Variants in CRPPA observed in about 807,000 individuals in gnomAD.
CRPPA encodes D-ribitol-5-phosphate cytidylyltransferase.
A neutral mutation model predicts 52.0 loss-of-function variants in CRPPA; 43 were observed. The observed-to-expected ratio is 0.83, with a 90% CI of 0.65 to 1.07. CRPPA has a LOEUF of 1.07. CRPPA is among the 50% of genes least tolerant of loss of function. CRPPA has a pLI of 0.00. For synonymous variants in CRPPA, 250 were observed against 203.5 expected, an observed-to-expected ratio of 1.23 and a Z score of -1.94; for missense variants, 629 against 551.7, an observed-to-expected ratio of 1.14 and a Z score of -1.40.
intron 3 of CRPPA, among the ~76,000 whole-genome samples, chr7:16,340,734 A>AGTTTAT (rs1276362276): frequency 6.6e-6 from 1 of 152,098 alleles, no homozygotes; most frequent in Non-Finnish European, 1.5e-5. Context: ...TTACAATATG[A>AGTTTAT]TCCAGCAATC....
intron 3 of CRPPA, among the ~76,000 whole-genome samples, chr7:16,368,136 T>C (rs1380205069): frequency 1.3e-5 from 2 of 152,188 alleles, no homozygotes; most frequent in Non-Finnish European, 2.9e-5. Flanking sequence ...TTAAAAAGCT[T>C]CTTTGTATAA....
chr7:16,286,064 T>TAAAATATAAAAAA (rs1562608511), intron 5 of CRPPA, among the ~76,000 whole-genome samples: 1 of 29,770 alleles, frequency 3.4e-5, no homozygotes. Context: ...TATATATATA[T>TAAAATATAAAAAA]ATATATATAT....
chr7:16,090,420 T>C lies in CRPPA; in HGVS notation c.*1275A>G, dbSNP rs1781810747. The C allele has an allele frequency of 6.6e-6, 1 of 151,902 alleles. No homozygotes were observed. The highest frequency in any genetic ancestry group is 1.5e-5 in the Non-Finnish European group (1 of 67,944). 9.4% of individuals were successfully genotyped at this position (151,902 alleles called of 1,614,324 possible). A position where few individuals can be genotyped will look rare whatever the true frequency, so the allele number is the denominator to read the frequency against. ...TCTGTTTCAATAAAATAAATGTATGTTGGCTGGGTATGGTGGCTCACACCT... is the reference window on the plus strand; with the variant it reads ...TCTGTTTCAATAAAATAAATGTATGCTGGCTGGGTATGGTGGCTCACACCT... On this transcript the variant is annotated 3_prime_UTR_variant, in exon 10 of 10. Transcript: ENST00000407010.
At chr7:16,168,182 G>A (rs1039208148) in intron 9 of CRPPA, among the ~76,000 whole-genome samples, 3 of 152,110 alleles carry the variant, frequency 2.0e-5, no homozygotes, top group Non-Finnish European at 2.9e-5. Flanking sequence ...ATACAAACAT[G>A]GGTCAATATT....
At chr7:16,174,475 C>T (rs367906340) in intron 9 of CRPPA, among the ~76,000 whole-genome samples, 1 of 152,256 alleles carries the variant, frequency 6.6e-6, no homozygotes. Context: ...AAATGGCAGA[C>T]TTGGACCATG....
intron 3 of CRPPA, among the ~76,000 whole-genome samples, chr7:16,347,593 C>T (rs1332978984): frequency 6.6e-6 from 1 of 152,134 alleles, no homozygotes; most frequent in Admixed American, 6.6e-5. Context: ...CAGATTCCCC[C>T]TTCACCCATA....
At chr7:16,168,482 T>G (rs1781112047) in intron 9 of CRPPA, among the ~76,000 whole-genome samples, 1 of 151,504 alleles carries the variant, frequency 6.6e-6, no homozygotes, top group South Asian at 2.1e-4. Context: ...TCAGTCTAAT[T>G]AAGTCTGAAT....
chr7:16,215,253 G>A (rs867724631), intron 9 of CRPPA, among the ~76,000 whole-genome samples: 1 of 152,072 alleles, frequency 6.6e-6, no homozygotes, highest in African/African-American at 2.4e-5. Context: ...AAATAGCAGT[G>A]GACCGTTCAA....
intron 8 of CRPPA, among the ~76,000 whole-genome samples, chr7:16,233,144 CA>C (rs894915598): frequency 7.4e-5 from 11 of 148,422 alleles, no homozygotes; most frequent in South Asian, 2.1e-4. Context: ...AATTAAACAG[CA>C]AAAAAAAAGA....
chr7:16,304,055 G>A (rs1415157719), intron 4 of CRPPA, among the ~76,000 whole-genome samples: 1 of 152,168 alleles, frequency 6.6e-6, no homozygotes, highest in Non-Finnish European at 1.5e-5. Flanking sequence ...CCTGTACAGT[G>A]TAGTAAGAGA....
chr7:16,187,195 C>T (rs541249033), intron 9 of CRPPA, among the ~76,000 whole-genome samples: 1 of 152,208 alleles, frequency 6.6e-6, no homozygotes, highest in South Asian at 2.1e-4. Context: ...TAAATTATTG[C>T]CTATCAAAAT....
At chr7:16,405,842 A>C (rs781700586) in intron 2 of CRPPA, among the ~76,000 whole-genome samples, 13 of 152,206 alleles carry the variant, frequency 8.5e-5, no homozygotes, top group Non-Finnish European at 1.8e-4. Context: ...TTCTTCTCCA[A>C]ATACCTCATA....
intron 3 of CRPPA, among the ~76,000 whole-genome samples, chr7:16,333,886 C>T (rs1785616591): frequency 6.6e-6 from 1 of 152,164 alleles, no homozygotes; most frequent in Non-Finnish European, 1.5e-5. Flanking sequence ...TATACTACCA[C>T]TGCCCCAAGC....
chr7:16,246,435 T>G (rs1783277228), intron 8 of CRPPA, among the ~76,000 whole-genome samples: 1 of 152,162 alleles, frequency 6.6e-6, no homozygotes, highest in Non-Finnish European at 1.5e-5. Flanking sequence ...TGACCCCCCA[T>G]GAATCACGAA....
chr7:16,104,691 G>A (rs1026980130), intron 9 of CRPPA, among the ~76,000 whole-genome samples: 3 of 152,092 alleles, frequency 2.0e-5, no homozygotes, highest in African/African-American at 7.2e-5. Flanking sequence ...ACGAGGTCAG[G>A]GGATCAAGAC....
intron 9 of CRPPA, among the ~76,000 whole-genome samples, chr7:16,201,001 A>G (rs1274942465): frequency 6.6e-6 from 1 of 152,196 alleles, no homozygotes. Flanking sequence ...AGCTATGTCT[A>G]ATAATGAAGA....
intron 9 of CRPPA, among the ~76,000 whole-genome samples, chr7:16,106,112 A>AG (rs915606558): frequency 2.6e-5 from 4 of 152,134 alleles, no homozygotes; most frequent in African/African-American, 9.7e-5. Flanking sequence ...CCCAAAACTC[A>AG]GGGGTTCCAC....
intron 5 of CRPPA, among the ~76,000 whole-genome samples, chr7:16,300,953 T>A (rs1057398266): frequency 6.6e-6 from 1 of 152,140 alleles, no homozygotes; most frequent in African/African-American, 2.4e-5. Flanking sequence ...AAAATTGCAG[T>A]CATTGTCAGA....
chr7:16,174,552 G>GTCA (rs1781256174), intron 9 of CRPPA, among the ~76,000 whole-genome samples: 1 of 151,928 alleles, frequency 6.6e-6, no homozygotes, highest in Non-Finnish European at 1.5e-5. Context: ...ATTAATAGTC[G>GTCA]CTGGTCTTTT....
Sources: allele counts gnomAD v4.1 joint callset (sites outside exome capture counted in the v4.1 genomes callset), GRCh38; gene constraint gnomAD v4.1.1; transcripts MANE v1.5; gene names NCBI Gene and HGNC (gene_info 2026-07-23, HGNC 2026-07-21).